Variants in NOTCH1 observed in about 807,000 individuals in gnomAD.
The protein encoded by NOTCH1 is notch receptor 1.
In NOTCH1, 37 loss-of-function variants were observed where a neutral mutation model predicts 254.8. That is an observed-to-expected ratio of 0.15 (90% CI 0.11 to 0.19). The LOEUF (loss-of-function observed/expected upper bound fraction) is 0.19. NOTCH1 is among the 10% of genes least tolerant of loss of function. NOTCH1 has a pLI of 1.00. For missense variants in NOTCH1, 2,972 were observed against 3,708.6 expected, an observed-to-expected ratio of 0.80 and a Z score of 5.16; for synonymous variants, 1,731 against 1,618.1, an observed-to-expected ratio of 1.07 and a Z score of -1.68.
At chr9:136,512,150 G>A (rs527983152) in intron 15 of NOTCH1, among the ~76,000 whole-genome samples, 6 of 152,354 alleles carry the variant, frequency 3.9e-5, no homozygotes, top group South Asian at 2.1e-4. Flanking sequence ...CTGCCGGCCC[G>A]ATCGACGTGT....
chr9:136,513,230 G>A lies in NOTCH1; in HGVS notation c.2354-96C>T. On this transcript the variant is annotated intron_variant, in intron 14 of 33. Coordinates refer to ENST00000651671, the MANE Select transcript of NOTCH1 (RefSeq NM_017617.5). The surrounding 1 kb of genome is among the most constrained non-coding windows in gnomAD (Gnocchi z 4.7). ...GCCCTGGGCCTGCTCCCCACCCCAG[G>A]CCCCTCCTCATCTCCAAGAGCCAGA... The A allele has an allele frequency of 3.4e-6, 5 of 1,449,494 alleles. No homozygotes were observed. In the South Asian group the frequency reaches 5.8e-5, roughly 17 times the overall value. 89.8% of individuals were successfully genotyped at this position (1,449,494 alleles called of 1,614,324 possible).
chr9:136,504,192 C>G (rs1236184852), intron 26 of NOTCH1, among the ~76,000 whole-genome samples: 2 of 152,198 alleles, frequency 1.3e-5, no homozygotes, highest in African/African-American at 4.8e-5. Flanking sequence ...TTGTTTTTTA[C>G]TTCTTTTAAT....
chr9:136,495,967 A>G lies in NOTCH1; in HGVS notation c.*104T>C. On this transcript the variant is annotated 3_prime_UTR_variant, in exon 34 of 34. Transcript: ENST00000651671. ...CCTCGTTCTTATTTTGTATAAAAAC[A>G]TGTGTTTTAAAAAGGCTCCTCTGGT... is the stretch of plus-strand genomic sequence containing the variant. 2 of 1,185,650 alleles carry G rather than the reference A, an allele frequency of 1.7e-6. No homozygotes were observed. Among genetic ancestry groups the G allele is most frequent in the Non-Finnish European group, 1.2e-6 (1 of 856,710 alleles). The allele number at this position is 1,185,650 out of a possible 1,614,324, so 73.4% of individuals were successfully genotyped here. A position where few individuals can be genotyped will look rare whatever the true frequency, so the allele number is the denominator to read the frequency against.
At chr9:136,516,707 C>T (rs1843278480) in intron 9 of NOTCH1, among the ~76,000 whole-genome samples, 1 of 152,172 alleles carries the variant, frequency 6.6e-6, no homozygotes, top group African/African-American at 2.4e-5. Flanking sequence ...ACTGCAGCTC[C>T]TGGTATACCC....
At chr9:136,512,655 C>G (rs549945634) in intron 15 of NOTCH1, among the ~76,000 whole-genome samples, 216 of 152,322 alleles carry the variant, frequency 1.4e-3, no homozygotes, top group African/African-American at 5.1e-3. Context: ...GCCCAGTGAC[C>G]CAGGCCCGGC....
At chr9:136,517,243 C>T (rs745366374) in intron 9 of NOTCH1, 29 bp downstream of exon 9, 372 of 1,468,994 alleles carry the variant, frequency 2.5e-4, no homozygotes, top group Middle Eastern at 5.3e-4. Context: ...GCAGACGACC[C>T]GGGGGCAGGG....
chr9:136,537,504 A>G (rs552777178), intron 2 of NOTCH1, among the ~76,000 whole-genome samples: 1 of 152,198 alleles, frequency 6.6e-6, no homozygotes, highest in Non-Finnish European at 1.5e-5. Context: ...TGTTTTGTGC[A>G]GTGAGAAAGT....
At chr9:136,507,147 C>T (rs1843101677) in intron 22 of NOTCH1, among the ~76,000 whole-genome samples, 158 bp downstream of exon 22, 1 of 152,248 alleles carries the variant, frequency 6.6e-6, no homozygotes, top group Admixed American at 6.5e-5. Flanking sequence ...CGCTCTGGGC[C>T]CTTTCCCTGG....
At chr9:136,522,238 A>G (rs898715143) in intron 4 of NOTCH1, among the ~76,000 whole-genome samples, 32 of 152,090 alleles carry the variant, frequency 2.1e-4, no homozygotes, top group Admixed American at 6.5e-4. Context: ...CGGCCTCCCA[A>G]AGTGCTGGGA....
At position 136,505,316 on chromosome 9, in the gene NOTCH1, T is replaced by A; in HGVS notation, c.4580A>T (p.Gln1527Leu). The A allele has an allele frequency of 6.4e-7, 1 of 1,574,282 alleles. No individual in the cohort carries two copies. Among genetic ancestry groups the A allele is most frequent in the Non-Finnish European group, 8.6e-7 (1 of 1,160,274 alleles). ...DGFDCQRAEGQCNPLYDQYCK... is the reference protein window; with the variant it reads ...DGFDCQRAEGLCNPLYDQYCK... ...ATGAGCCCCGCAGCCTTACTTGCACTGGCCTTCCGCACGCTGGCAGTCAAA... is the reference window on the plus strand; with the variant it reads ...ATGAGCCCCGCAGCCTTACTTGCACAGGCCTTCCGCACGCTGGCAGTCAAA... The change falls in exon 25 of 34, where the codon CAG becomes CTG. Residue 1527 changes from glutamine (Q) to leucine (L), a missense_variant. Around this residue, in one of 8 missense-constraint regions of NOTCH1, gnomAD observed 1,343 missense variants for 1,557.0 expected, o/e 0.86. Transcript: ENST00000651671.
In NOTCH1 at chr9:136,537,187, C is replaced by A. The variant is rs140761866; in HGVS notation, c.140+6837G>T. ...TCCAGGAAGCCACCCCGGACGCCCT[C>A]CCAACACCTGCCTCCTCTGGACTGT... On this transcript the variant is annotated intron_variant, in intron 2 of 33. Coordinates refer to ENST00000651671, the MANE Select transcript of NOTCH1 (RefSeq NM_017617.5). 6.2e-3 allele frequency among the ~76,000 whole-genome samples: 952 copies of A among 152,352 alleles called. 10 individuals carry two copies. The highest frequency in any genetic ancestry group is 0.022 in the African/African-American group (897 of 41,572).
Position 136,494,473 on chromosome 9 carries a change from C to G in NOTCH1, c.*1598G>C, listed in dbSNP as rs1430096413. The G allele has an allele frequency of 1.0e-5, 4 of 398,880 alleles. No individual in the cohort carries two copies. The highest frequency in any genetic ancestry group is 6.2e-5 in the African/African-American group (3 of 48,644). The allele number at this position is 398,880 out of a possible 1,614,324, so 24.7% of individuals were successfully genotyped here. A position where few individuals can be genotyped will look rare whatever the true frequency, so the allele number is the denominator to read the frequency against. On this transcript the variant is annotated 3_prime_UTR_variant, in exon 34 of 34. Transcript: ENST00000651671. ...CATCAGTATCATTTTTATTGCAAAT[C>G]AGTTAACAAAAAAGATGAAAAAAAT...
chr9:136,537,542 C>A (rs977816986), intron 2 of NOTCH1, among the ~76,000 whole-genome samples: 1 of 152,172 alleles, frequency 6.6e-6, no homozygotes, highest in African/African-American at 2.4e-5. Context: ...GTTGAATGAA[C>A]TTGTGAATGG....
rs535195292 is a variant in NOTCH1 at position 136,503,392 on chromosome 9, A to G, written c.5019-62T>C. 278 of 1,608,956 alleles carry G rather than the reference A, an allele frequency of 1.7e-4. 2 individuals carry two copies. The South Asian group carries it at 3.0e-3, about 17-fold the overall frequency. ...CTTCCTCCTCCCCCGCCCACCGGCCAGGGATGCTGCCGCAGGACACTGAGG... is the reference window on the plus strand; with the variant it reads ...CTTCCTCCTCCCCCGCCCACCGGCCGGGGATGCTGCCGCAGGACACTGAGG... On this transcript the variant is annotated intron_variant, in intron 26 of 33. Transcript: ENST00000651671.
At chr9:136,508,433 C>T (rs759479358) in intron 19 of NOTCH1, 48 bp from the exon 20 acceptor site, 1 of 1,611,788 alleles carries the variant, frequency 6.2e-7, no homozygotes, top group Admixed American at 1.7e-5. Flanking sequence ...CGGCCATTTC[C>T]CCGGTAGCTC....
intron 2 of NOTCH1, among the ~76,000 whole-genome samples, chr9:136,527,913 C>T (rs540356887): frequency 2.2e-4 from 33 of 152,262 alleles, no homozygotes; most frequent in African/African-American, 7.2e-4. Flanking sequence ...ACTTTGTTCC[C>T]GCCTCAGTAT....
Position 136,513,494 on chromosome 9 carries a change from C to T in NOTCH1, c.2251G>A (p.Asp751Asn). The change falls in exon 14 of 34, where the codon GAC (aspartate) becomes AAC (asparagine). Residue 751 changes from aspartate to asparagine, a missense_variant. Transcript: ENST00000651671. The surrounding 1 kb of genome is among the most constrained non-coding windows in gnomAD (Gnocchi z 4.7). Reference protein sequence around the residue: ...CDPGWSGTNCDINNNECESNP... With the variant: ...CDPGWSGTNCNINNNECESNP... ...GATTCACACTCATTGTTGTTGATGT[C>T]ACAGTTGGTCCCACTCCACCCAGGG... 1 of 1,613,208 alleles carries T rather than the reference C, an allele frequency of 6.2e-7. No homozygotes were observed. The highest frequency in any genetic ancestry group is 1.1e-5 in the South Asian group (1 of 91,082).
Position 136,515,379 on chromosome 9 carries a change from A to G in NOTCH1, c.1925T>C (p.Leu642Pro), listed in dbSNP as rs1315257776. The G allele has an allele frequency of 1.2e-6, 2 of 1,612,876 alleles. No homozygotes were observed. The highest frequency in any genetic ancestry group is 8.5e-7 in the Non-Finnish European group (1 of 1,179,984). Reference sequence around the variant, plus strand: ...GCAGGGGCTGCTGGCACAGTCATCCAGGTTGATCTCGCAGTTGGGTCCTGA... The same window carrying G: ...GCAGGGGCTGCTGGCACAGTCATCCGGGTTGATCTCGCAGTTGGGTCCTGA... ...GTTGPNCEIN[L>P]DDCASSPCDS... Residue 642 changes from leucine to proline, a missense_variant, in exon 12 of 34, where the codon CTG (leucine) becomes CCG (proline). Physicochemically the swap from Leu to Pro is moderately conservative, Grantham distance 98 (BLOSUM62 -3). Around this residue, in one of 8 missense-constraint regions of NOTCH1, gnomAD observed 1,343 missense variants for 1,557.0 expected, o/e 0.86. Coordinates refer to ENST00000651671, the MANE Select transcript of NOTCH1 (RefSeq NM_017617.5).
At chr9:136,499,994 C>G (rs1461985685) in intron 31 of NOTCH1, among the ~76,000 whole-genome samples, 1 of 152,234 alleles carries the variant, frequency 6.6e-6, no homozygotes, top group Non-Finnish European at 1.5e-5. Context: ...CCAGGGCCGC[C>G]TGGAGCCTGG....
Sources: allele counts gnomAD v4.1 joint callset (sites outside exome capture counted in the v4.1 genomes callset), GRCh38; gene constraint gnomAD v4.1.1; regional missense constraint gnomAD v4.1.1; non-coding constraint Gnocchi (gnomAD v3.1); transcripts MANE v1.5; gene names NCBI Gene and HGNC (gene_info 2026-07-23, HGNC 2026-07-21).